Variants in ADAMTS7 observed in about 807,000 individuals in gnomAD.
ADAMTS7 encodes the protein ADAM metallopeptidase with thrombospondin type 1 motif 7.
A neutral mutation model predicts 172.6 loss-of-function variants in ADAMTS7; 89 were observed. The ratio of observed to expected loss-of-function variants is 0.52; its 90% confidence interval spans 0.43 to 0.61. The LOEUF (loss-of-function observed/expected upper bound fraction) is 0.61, where lower values mean the gene tolerates loss of function less well. Ranked by LOEUF, ADAMTS7 falls within the 20% of genes least tolerant of loss-of-function variation. The pLI, the probability that ADAMTS7 is intolerant of heterozygous loss-of-function variation, is 0.00. For synonymous variants in ADAMTS7, 885 were observed against 978.4 expected (o/e 0.90, Z 1.78); for missense variants, 1,973 against 2,355.6 (o/e 0.84, Z 3.36).
intron 9 of ADAMTS7, 124 bp from the exon 10 acceptor site, chr15:78,776,965 C>T (rs1003361493): frequency 6.3e-5 from 47 of 748,402 alleles, no homozygotes; most frequent in Non-Finnish European, 8.9e-5. Flanking sequence ...CCCACAGACC[C>T]CCAGAGGTTC....
chr15:78,804,862 C>T (rs2055768933), intron 1 of ADAMTS7, among the ~76,000 whole-genome samples: 1 of 152,182 alleles, frequency 6.6e-6, no homozygotes, highest in African/African-American at 2.4e-5. Context: ...CCATCCCAGA[C>T]TCACTAAATC....
At chr15:78,791,566 C>T (rs985399105) in intron 4 of ADAMTS7, among the ~76,000 whole-genome samples, 48 of 152,340 alleles carry the variant, frequency 3.2e-4, no homozygotes, top group African/African-American at 1.2e-3. Flanking sequence ...CAGGCGATGG[C>T]AGCTCAGACC....
rs1208689947 is a variant in ADAMTS7, at chr15:78,800,357, G to C, written c.291C>G (p.Ala97=). ...AGCCGGGCGCCAGCAGGTGCTGATT[G>C]GCGGTCAGGTTGAAGCGCAGCTCGC... The part of the protein sequence containing the change: ...RGRELRFNLT[A]NQHLLAPGFV... The change falls in exon 2 of 24, where the codon GCC becomes GCG. Residue 97 remains alanine (A), a synonymous_variant. Coordinates refer to ENST00000388820, the MANE Select transcript of ADAMTS7 (RefSeq NM_014272.5). The C allele has an allele frequency of 1.1e-5, 18 of 1,604,988 alleles. No homozygotes were observed. Among genetic ancestry groups the C allele is most frequent in the Non-Finnish European group, 1.5e-5 (18 of 1,176,904 alleles).
intron 20 of ADAMTS7, 125 bp from the exon 21 acceptor site, chr15:78,764,224 C>T (rs1473422945): frequency 2.2e-6 from 3 of 1,343,176 alleles, no homozygotes; most frequent in Middle Eastern, 2.7e-4. Context: ...GCTGAAGAAC[C>T]CCAGCGAGAG....
chr15:78,765,573 T>C, intron 19 of ADAMTS7, 72 bp downstream of exon 19: 1 of 1,595,704 alleles, frequency 6.3e-7, no homozygotes, highest in South Asian at 1.1e-5. Flanking sequence ...CCCACTCTGC[T>C]CATTTTCAGA....
intron 9 of ADAMTS7, 91 bp downstream of exon 9, chr15:78,777,353 C>T: frequency 1.3e-6 from 2 of 1,490,600 alleles, no homozygotes; most frequent in Non-Finnish European, 1.8e-6. Flanking sequence ...AGAGGTTGCT[C>T]CCAGGCTGGC....
chr15:78,797,781 T>C lies in ADAMTS7; in HGVS notation c.622+167A>G, dbSNP rs553177247. 8.2e-4 allele frequency among the ~76,000 whole-genome samples: 125 copies of C among 152,284 alleles called. No homozygotes were observed. In the Middle Eastern group the frequency reaches 0.01, roughly 12 times the overall value. Reference sequence around the variant, plus strand: ...GCCCGAAAGGCAGAGGACACAGTCTTGTGGCACAATTAAGGGCACAGGCTA... The same window carrying C: ...GCCCGAAAGGCAGAGGACACAGTCTCGTGGCACAATTAAGGGCACAGGCTA... On this transcript the variant is annotated intron_variant, in intron 3 of 23. Coordinates refer to ENST00000388820, the MANE Select transcript of ADAMTS7 (RefSeq NM_014272.5).
At position 78,766,664 on chromosome 15, in the gene ADAMTS7, C is replaced by T. The variant is rs1250940380; in HGVS notation, c.3247G>A (p.Glu1083Lys). 2 of 1,610,820 alleles carry T rather than the reference C, an allele frequency of 1.2e-6. No homozygotes were observed. Among genetic ancestry groups the T allele is most frequent in the Admixed American group, 1.7e-5 (1 of 60,008 alleles). The change falls in exon 19 of 24, where the codon GAG (glutamate) becomes AAG (lysine). Residue 1083 changes from glutamate to lysine, a missense_variant. Glu to Lys is a moderately conservative substitution (Grantham distance 56). This residue lies in a region of ADAMTS7 where 771 missense variants were observed against 952.6 expected (regional missense o/e 0.81). Transcript: ENST00000388820. The part of the protein sequence containing the change: ...HEDLSYGPSE[E>K]PDLDLAGTGD... ...GTCCCCGCCAGGTCTAGATCGGGCT[C>T]CTCAGAGGGCCCGTAGGACAGATCC...
intron 8 of ADAMTS7, 106 bp downstream of exon 8, chr15:78,788,125 C>G: frequency 6.8e-7 from 1 of 1,468,714 alleles, no homozygotes; most frequent in Non-Finnish European, 9.2e-7. Flanking sequence ...GATCTTGCCC[C>G]TCTGCTTCCC....
intron 2 of ADAMTS7, among the ~76,000 whole-genome samples, chr15:78,799,630 C>G (rs2055691804): frequency 1.3e-5 from 2 of 151,390 alleles, no homozygotes; most frequent in African/African-American, 4.8e-5. Context: ...GAAGAGAAGT[C>G]AACTGCTTTT....
At position 78,763,563 on chromosome 15, in the gene ADAMTS7, G is replaced by A. The variant is rs144293103; in HGVS notation, c.4740+136C>T. ...CCCTGGCAGGTGTGAGCACCAGCCG[G>A]GCGGGGCCTCGTCCAGTGACAGGGC... On this transcript the variant is annotated intron_variant, in intron 22 of 23. Transcript: ENST00000388820. The A allele has an allele frequency of 2.5e-4, 305 of 1,209,856 alleles. 1 individual carries two copies. In the African/African-American group the frequency reaches 4.4e-3, roughly 17 times the overall value. The allele number at this position is 1,209,856 out of a possible 1,614,324, so 74.9% of individuals were successfully genotyped here.
rs534666531 is a variant in ADAMTS7, at chr15:78,760,406, C to G, written c.4904-828G>C. On this transcript the variant is annotated intron_variant, in intron 23 of 23. Coordinates refer to ENST00000388820, the MANE Select transcript of ADAMTS7 (RefSeq NM_014272.5). ...AGCAGACCTCCCTGGGGAGGAGGAG[C>G]AGGAAGGCAGCAGCCAGCCCTGGGC... 2.6e-5 allele frequency among the ~76,000 whole-genome samples: 4 copies of G among 152,286 alleles called. No homozygotes were observed. In the South Asian group the frequency reaches 8.3e-4, roughly 32 times the overall value.
intron 16 of ADAMTS7, 131 bp from the exon 17 acceptor site, chr15:78,768,390 T>C (rs1469694909): frequency 5.2e-6 from 7 of 1,353,266 alleles, no homozygotes; most frequent in South Asian, 1.3e-5. Flanking sequence ...TTACTGCCCA[T>C]GTCAGGATGA....
At chr15:78,782,268 G>A (rs2055438419) in intron 8 of ADAMTS7, among the ~76,000 whole-genome samples, 2 of 152,054 alleles carry the variant, frequency 1.3e-5, no homozygotes, top group East Asian at 1.9e-4. Flanking sequence ...TGACCTCAAG[G>A]GATCCGCCTG....
At chr15:78,802,330 A>G (rs1202454778) in intron 1 of ADAMTS7, among the ~76,000 whole-genome samples, 3 of 152,192 alleles carry the variant, frequency 2.0e-5, no homozygotes, top group South Asian at 2.1e-4. Flanking sequence ...TATGATGGCA[A>G]TTATGATTGT....
rs375583815 is a variant in ADAMTS7 at position 78,774,230 on chromosome 15, G to A, written c.1947C>T (p.Val649=). 148 of 1,586,988 alleles carry A rather than the reference G, an allele frequency of 9.3e-5. No individual in the cohort carries two copies. The African/African-American group carries it at 1.6e-3, about 17-fold the overall frequency. Residue 649 remains valine, a synonymous_variant, in exon 13 of 24, where the codon GTC becomes GTT. Transcript: ENST00000388820. ...YFAEKLRDAV[V]DGTPCYQVRA... Reference sequence around the variant, plus strand: ...GGACCTGGTAGCAGGGGGTGCCATCGACCACGGCGTCCCGCAGCTTCTCGG... The same window carrying A: ...GGACCTGGTAGCAGGGGGTGCCATCAACCACGGCGTCCCGCAGCTTCTCGG...
chr15:78,800,448 A>G lies in ADAMTS7; in HGVS notation c.200T>C (p.Leu67Pro). The stretch of plus-strand genomic sequence containing the variant: ...GCGCACAGATACATCCCGCTTGCGC[A>G]GTGCGCGGGGCCACAGCTCGTAGGA... ...FLSYELWPRA[L>P]RKRDVSVRRD... The change falls in exon 2 of 24, where the codon CTG (leucine) becomes CCG (proline). Residue 67 changes from leucine to proline, a missense_variant. By Grantham distance (98) the Leu-to-Pro change is moderately conservative. Coordinates refer to ENST00000388820, the MANE Select transcript of ADAMTS7 (RefSeq NM_014272.5). 6.2e-7 allele frequency: 1 copy of G among 1,611,106 alleles called. No individual in the cohort carries two copies.
Position 78,767,474 on chromosome 15 carries a change from G to A in ADAMTS7, c.2764C>T (p.Pro922Ser). 1.9e-6 allele frequency: 3 copies of A among 1,611,376 alleles called. No individual in the cohort carries two copies. Among genetic ancestry groups the A allele is most frequent in the South Asian group, 1.1e-5 (1 of 90,922 alleles). ...GGCCGGGGAAGGTGTTCACAGGCGG[G>A]TGGCTCCAGGGCGCTCTGCTCATCC... The part of the protein sequence containing the change: ...GLDEQSALEP[P>S]ACEHLPRPPT... Residue 922 changes from proline to serine, a missense_variant, in exon 18 of 24, where the codon CCC (proline) becomes TCC (serine). Physicochemically the swap from Pro to Ser is moderately conservative, Grantham distance 74. Coordinates refer to ENST00000388820, the MANE Select transcript of ADAMTS7 (RefSeq NM_014272.5).
intron 2 of ADAMTS7, among the ~76,000 whole-genome samples, chr15:78,798,489 A>G (rs923521699): frequency 3.3e-5 from 5 of 152,104 alleles, no homozygotes; most frequent in Non-Finnish European, 4.4e-5. Context: ...CCTCCAGGCT[A>G]TTCTCCATCT....
Sources: gnomAD v4.1 joint callset for allele counts (sites outside exome capture counted in the v4.1 genomes callset) on GRCh38, gnomAD v4.1.1 for gene constraint, gnomAD v4.1.1 regional missense constraint, MANE v1.5 for transcripts, NCBI Gene and HGNC (gene_info 2026-07-23, HGNC 2026-07-21) for gene names.